The following SUGCT variants were observed in gnomAD, a reference collection of about 807,000 sequenced individuals.
SUGCT encodes succinyl-CoA:glutarate-CoA transferase, also known as succinyl-CoA:glutarate CoA-transferase.
In SUGCT, 41 loss-of-function variants were observed where a neutral mutation model predicts 55.0. The ratio of observed to expected loss-of-function variants is 0.74; its 90% CI spans 0.58 to 0.97. The LOEUF is 0.97. Among genes scored for constraint, SUGCT ranks in the 50% least tolerant of loss-of-function variants. The probability of loss-of-function intolerance (pLI) is 0.00; values close to 1 mark genes in which losing one functional copy is unlikely to be tolerated. For missense variants in SUGCT, 568 were observed against 547.8 expected (o/e 1.04, Z -0.37); for synonymous variants, 187 against 200.4 (o/e 0.93, Z 0.56).
At chr7:40,395,480 ACT>A (rs1338158450) in intron 9 of SUGCT, among the ~76,000 whole-genome samples, 66 of 142,546 alleles carry the variant, frequency 4.6e-4, no homozygotes, top group Admixed American at 1.4e-3. Context: ...CAAGAGAGAA[ACT>A]CTGTCTCAAA....
chr7:40,525,251 T>C (rs1163361076), intron 12 of SUGCT, among the ~76,000 whole-genome samples: 2 of 152,170 alleles, frequency 1.3e-5, no homozygotes, highest in Non-Finnish European at 2.9e-5. Flanking sequence ...GAAGAAGAGT[T>C]ACTGGAATGA....
At chr7:40,784,173 C>T (rs867720967) in intron 13 of SUGCT, among the ~76,000 whole-genome samples, 2 of 152,012 alleles carry the variant, frequency 1.3e-5, no homozygotes, top group Non-Finnish European at 2.9e-5. Flanking sequence ...GCATGGCTTC[C>T]GGGCAAAGAG....
chr7:40,440,044 A>G (rs1482078223), intron 9 of SUGCT, among the ~76,000 whole-genome samples: 3 of 144,282 alleles, frequency 2.1e-5, no homozygotes, highest in Non-Finnish European at 3.0e-5. Context: ...TTTTTTTCCT[A>G]CTCTGCAGTG....
At chr7:40,794,836 A>G (rs1034551099) in intron 13 of SUGCT, among the ~76,000 whole-genome samples, 3 of 152,174 alleles carry the variant, frequency 2.0e-5, no homozygotes, top group Admixed American at 2.0e-4. Context: ...ATATTTCCAT[A>G]AATAGAAGTT....
At chr7:40,922,110 A>G in the SUGCT span, among the ~76,000 whole-genome samples, 9 of 152,178 alleles carry the variant, frequency 5.9e-5, no homozygotes, top group African/African-American at 2.2e-4. Flanking sequence ...ATCCAATGCT[A>G]TGAGGAGAGA....
intron 12 of SUGCT, among the ~76,000 whole-genome samples, chr7:40,652,042 A>C (rs1338067106): frequency 1.3e-5 from 2 of 151,788 alleles, no homozygotes; most frequent in East Asian, 3.9e-4. Flanking sequence ...AGATGTTTTC[A>C]TGAAATTTCT....
chr7:40,954,313 A>G, the SUGCT span, among the ~76,000 whole-genome samples: 2 of 152,170 alleles, frequency 1.3e-5, no homozygotes, highest in African/African-American at 2.4e-5. Context: ...GCACCATATT[A>G]GGGTGGGAGT....
chr7:40,626,507 C>G (rs973539604), intron 12 of SUGCT, among the ~76,000 whole-genome samples: 2 of 152,002 alleles, frequency 1.3e-5, no homozygotes, highest in Non-Finnish European at 2.9e-5. Context: ...CCGCCTCAGC[C>G]TCTCAAAGTG....
In SUGCT at chr7:40,195,069, A is replaced by G; in HGVS notation, c.484+9A>G. On this transcript the variant is annotated intron_variant, in intron 6 of 13. Transcript: ENST00000335693. ...CTATTGTTCCATCACAGGTATTTCA[A>G]CCCCACACCCTTGTCAGTTAAAAGG... is the stretch of plus-strand genomic sequence containing the variant. 5.6e-6 allele frequency: 9 copies of G among 1,605,960 alleles called. No homozygotes were observed. The highest frequency in any genetic ancestry group is 6.8e-6 in the Non-Finnish European group (8 of 1,176,058).
At chr7:40,976,493 T>C in the SUGCT span, among the ~76,000 whole-genome samples, 1 of 152,246 alleles carries the variant, frequency 6.6e-6, no homozygotes, top group Non-Finnish European at 1.5e-5. Flanking sequence ...CTTATAACAG[T>C]GCCAAACTAT....
chr7:40,280,745 AT>A (rs1430107314), intron 8 of SUGCT, among the ~76,000 whole-genome samples: 1 of 152,122 alleles, frequency 6.6e-6, no homozygotes, highest in Non-Finnish European at 1.5e-5. Flanking sequence ...ACTCTGTATC[AT>A]TTTTTTAAAC....
chr7:40,973,428 A>G, the SUGCT span, among the ~76,000 whole-genome samples: 25 of 152,230 alleles, frequency 1.6e-4, no homozygotes, highest in Non-Finnish European at 3.2e-4. Flanking sequence ...GGCTTATGCC[A>G]GTCTGAATTT....
intron 13 of SUGCT, among the ~76,000 whole-genome samples, chr7:40,794,980 A>G (rs1790482576): frequency 1.3e-5 from 2 of 152,174 alleles, no homozygotes; most frequent in South Asian, 2.1e-4. Context: ...ATATGCTAAT[A>G]TATTTCTGGT....
intron 13 of SUGCT, among the ~76,000 whole-genome samples, chr7:40,802,470 T>G (rs1205336351): frequency 2.0e-5 from 3 of 152,194 alleles, no homozygotes; most frequent in Non-Finnish European, 4.4e-5. Flanking sequence ...TGATCCCCTG[T>G]CTTGTTCATT....
chr7:40,715,161 T>C (rs1785956000), intron 12 of SUGCT, among the ~76,000 whole-genome samples: 1 of 152,206 alleles, frequency 6.6e-6, no homozygotes. Context: ...TCCTTTGTTC[T>C]TAAAATAGAC....
intron 12 of SUGCT, among the ~76,000 whole-genome samples, chr7:40,616,643 G>A (rs1401747556): frequency 6.6e-6 from 1 of 152,332 alleles, no homozygotes; most frequent in Non-Finnish European, 1.5e-5. Flanking sequence ...TGAAGTGCAT[G>A]GTGGATTGTG....
At chr7:40,431,233 T>C (rs562344197) in intron 9 of SUGCT, among the ~76,000 whole-genome samples, 105 of 152,282 alleles carry the variant, frequency 6.9e-4, no homozygotes, top group African/African-American at 2.3e-3. Flanking sequence ...TGGGAAAAAT[T>C]AGTTGACAGC....
At chr7:40,946,880 CT>C in the SUGCT span, among the ~76,000 whole-genome samples, 1 of 152,114 alleles carries the variant, frequency 6.6e-6, no homozygotes, top group African/African-American at 2.4e-5. Flanking sequence ...TGTCTTGCTG[CT>C]TTTAGGCTTC....
intron 12 of SUGCT, among the ~76,000 whole-genome samples, chr7:40,534,838 C>T (rs370269860): frequency 1.5e-3 from 226 of 152,228 alleles, no homozygotes; most frequent in African/African-American, 2.8e-3. Flanking sequence ...AAAATGTTTT[C>T]GACTATAAGT....
Sources: allele counts gnomAD v4.1 joint callset (sites outside exome capture counted in the v4.1 genomes callset), GRCh38; gene constraint gnomAD v4.1.1; transcripts MANE v1.5; gene names NCBI Gene and HGNC (gene_info 2026-07-23, HGNC 2026-07-21).